The following GMDS variants were observed in gnomAD, a reference collection of about 807,000 sequenced individuals.
The protein encoded by GMDS is GDP-mannose 4,6 dehydratase.
A neutral mutation model predicts 49.9 loss-of-function variants in GMDS; 20 were observed. The observed-to-expected ratio is 0.40, with a 90% CI of 0.28 to 0.58. GMDS has a LOEUF of 0.58. Among genes scored for constraint, GMDS ranks in the 20% least tolerant of loss-of-function variants. The pLI is 0.42. For missense variants in GMDS, 362 were observed against 481.4 expected, an observed-to-expected ratio of 0.75 and a Z score of 2.32; for synonymous variants, 177 against 178.6, an observed-to-expected ratio of 0.99 and a Z score of 0.07.
intron 4 of GMDS, among the ~76,000 whole-genome samples, chr6:2,052,130 A>AAAAAAAAAAAAAAAAAAAAAAAAAAAT (rs1770448378): frequency 7.5e-6 from 1 of 133,746 alleles, no homozygotes; most frequent in African/African-American, 3.0e-5. Context: ...AAAAAAAAAA[A>AAAAAAAAAAAAAAAAAAAAAAAAAAAT]GAAAAAAAAA....
At chr6:1,898,007 A>AT (rs1350467656) in intron 7 of GMDS, among the ~76,000 whole-genome samples, 1 of 111,628 alleles carries the variant, frequency 9.0e-6, no homozygotes, top group African/African-American at 3.4e-5. Context: ...CTGGACACCT[A>AT]CCCTGGCCTC....
chr6:2,207,616 T>C (rs534082901), intron 1 of GMDS, among the ~76,000 whole-genome samples: 1 of 152,146 alleles, frequency 6.6e-6, no homozygotes, highest in South Asian at 2.1e-4. Context: ...CTTGTCTGCA[T>C]TGTTCCTAGG....
intron 7 of GMDS, among the ~76,000 whole-genome samples, chr6:1,878,373 C>T (rs1581294072): frequency 6.6e-6 from 1 of 150,456 alleles, no homozygotes; most frequent in African/African-American, 2.4e-5. Context: ...TGAAAATATT[C>T]CCCAAAGACA....
At chr6:1,855,811 T>C (rs1247264928) in intron 7 of GMDS, among the ~76,000 whole-genome samples, 2 of 152,218 alleles carry the variant, frequency 1.3e-5, no homozygotes, top group Non-Finnish European at 2.9e-5. Flanking sequence ...TTTAATTTAC[T>C]TTTTCAACAA....
rs72841958 is a variant in GMDS, at chr6:1,885,336, C to T, written c.771+44767G>A. On this transcript the variant is annotated intron_variant, in intron 7 of 10. Transcript: ENST00000380815. ...AAAGCTATCTTAGAATAAGTGGATT[C>T]TCCCCCTTACTCTCTGGTTCTGCTT... Among the ~76,000 whole-genome samples, 667 of 152,302 alleles carry T rather than the reference C, an allele frequency of 4.4e-3. 7 individuals are homozygous for T. The highest frequency in any genetic ancestry group is 0.02 in the Middle Eastern group (6 of 294).
At chr6:2,031,906 T>C (rs1768986190) in intron 4 of GMDS, among the ~76,000 whole-genome samples, 1 of 152,238 alleles carries the variant, frequency 6.6e-6, no homozygotes, top group African/African-American at 2.4e-5. Context: ...TTTTAAAAGT[T>C]TGAAAATACA....
intron 6 of GMDS, among the ~76,000 whole-genome samples, chr6:1,946,304 C>T (rs1363085166): frequency 2.0e-5 from 3 of 152,162 alleles, no homozygotes; most frequent in African/African-American, 7.2e-5. Context: ...TCACACAGTT[C>T]CAGGGTCAAA....
At chr6:2,002,219 T>C (rs1379047001) in intron 4 of GMDS, among the ~76,000 whole-genome samples, 2 of 152,208 alleles carry the variant, frequency 1.3e-5, no homozygotes, top group Non-Finnish European at 2.9e-5. Flanking sequence ...TTAACAAACA[T>C]TGTTGCGTGC....
chr6:1,828,138 T>C (rs1307492580), intron 7 of GMDS, among the ~76,000 whole-genome samples: 1 of 151,636 alleles, frequency 6.6e-6, no homozygotes, highest in East Asian at 1.9e-4. Flanking sequence ...AGCTGGAAAG[T>C]ATAATAAGTA....
chr6:1,870,410 G>A (rs1758672631), intron 7 of GMDS, among the ~76,000 whole-genome samples: 1 of 152,138 alleles, frequency 6.6e-6, no homozygotes, highest in African/African-American at 2.4e-5. Context: ...ATATATGCCT[G>A]TGCCAATCAA....
At chr6:1,767,285 G>A (rs1227830572) in intron 7 of GMDS, among the ~76,000 whole-genome samples, 1 of 151,974 alleles carries the variant, frequency 6.6e-6, no homozygotes, top group Non-Finnish European at 1.5e-5. Flanking sequence ...CAGAGGTCCT[G>A]TATAACAGAA....
chr6:1,859,801 T>C (rs1450747135), intron 7 of GMDS, among the ~76,000 whole-genome samples: 1 of 152,214 alleles, frequency 6.6e-6, no homozygotes, highest in Non-Finnish European at 1.5e-5. Flanking sequence ...CTTACAATAG[T>C]CACATTTGAT....
In GMDS at chr6:1,836,248, T is replaced by C. The variant is rs1046145689; in HGVS notation, c.772-93662A>G. The stretch of plus-strand genomic sequence containing the variant: ...ATAGTCTCTTTTAAAGTCTCTTTCC[T>C]GGTGGTTTTGCTGTGTAAATGAAAG... On this transcript the variant is annotated intron_variant, in intron 7 of 10. Transcript: ENST00000380815. This position sits in a 1 kb window ranked among gnomAD's most constrained non-coding sequence, Gnocchi z 4.2. Among the ~76,000 whole-genome samples the C allele has an allele frequency of 4.6e-5, 7 of 152,336 alleles. No individual in the cohort carries two copies. Among genetic ancestry groups the C allele is most frequent in the African/African-American group, 1.7e-4 (7 of 41,578 alleles).
At chr6:1,826,649 C>T (rs1029672348) in intron 7 of GMDS, among the ~76,000 whole-genome samples, 1 of 152,150 alleles carries the variant, frequency 6.6e-6, no homozygotes, top group African/African-American at 2.4e-5. Context: ...ATTTTCAATT[C>T]TGAGGTTTTA....
rs1028296518 is a variant in GMDS, at chr6:1,938,953, TCCTCC to T, written c.644-8728_644-8724del. On this transcript the variant is annotated intron_variant, in intron 6 of 10. Transcript: ENST00000380815. ...TTCTTCCCTTCCTTCCTCCCTTCTT[TCCTCC>T]CCTCCCCTCCCCTCCCCTCCCCTCC... 1.4e-3 allele frequency among the ~76,000 whole-genome samples: 192 copies of T among 140,726 alleles called. 1 individual carries two copies. In the East Asian group the frequency reaches 0.014, roughly 10 times the overall value. 92.3% of individuals were successfully genotyped at this position (140,726 alleles called of 152,430 possible). A position where few individuals can be genotyped will look rare whatever the true frequency, so the allele number is the denominator to read the frequency against.
intron 1 of GMDS, among the ~76,000 whole-genome samples, chr6:2,165,977 G>T (rs1476913006): frequency 1.3e-5 from 2 of 152,032 alleles, no homozygotes; most frequent in Non-Finnish European, 2.9e-5. Context: ...AATATTAGAA[G>T]AAATCATCTG....
intron 7 of GMDS, among the ~76,000 whole-genome samples, chr6:1,904,595 T>TA (rs773284097): frequency 1.3e-5 from 2 of 152,230 alleles, no homozygotes; most frequent in Non-Finnish European, 2.9e-5. Flanking sequence ...GAGCCGATAG[T>TA]AGAGTGCTGT....
Position 1,976,495 on chromosome 6 carries a change from C to T in GMDS, c.346-15529G>A, listed in dbSNP as rs1040903044. Among the ~76,000 whole-genome samples, 3 of 152,128 alleles carry T rather than the reference C, an allele frequency of 2.0e-5. No individual in the cohort carries two copies. In the South Asian group the frequency reaches 6.2e-4, roughly 32 times the overall value. On this transcript the variant is annotated intron_variant, in intron 4 of 10. Coordinates refer to ENST00000380815, the MANE Select transcript of GMDS (RefSeq NM_001500.4). ...AATATCATCCAATATGGCAAAGATC[C>T]TCAGAGAAGACAGTATTTCCAAAAG...
In GMDS at chr6:1,849,272, A is replaced by T. The variant is rs188095541; in HGVS notation, c.771+80831T>A. On this transcript the variant is annotated intron_variant, in intron 7 of 10. Coordinates refer to ENST00000380815, the MANE Select transcript of GMDS (RefSeq NM_001500.4). ...TTAATAAACATTTAGTAAATAAATT[A>T]AAAAATGCTACATTTCAGGAAAACA... Among the ~76,000 whole-genome samples the T allele has an allele frequency of 2.7e-3, 408 of 152,370 alleles. 2 individuals are homozygous for T. The highest frequency in any genetic ancestry group is 9.6e-3 in the African/African-American group (398 of 41,576).
Sources: allele counts gnomAD v4.1 joint callset (sites outside exome capture counted in the v4.1 genomes callset), GRCh38; gene constraint gnomAD v4.1.1; non-coding constraint Gnocchi (gnomAD v3.1); transcripts MANE v1.5; gene names NCBI Gene and HGNC (gene_info 2026-07-23, HGNC 2026-07-21).